Variants in PLSCR4 observed in about 807,000 individuals in gnomAD.
PLSCR4 encodes the protein phospholipid scramblase 4.
PLSCR4 carries 25 observed loss-of-function variants against 36.3 expected under a neutral mutation model. The ratio of observed to expected loss-of-function variants is 0.69; its 90% CI spans 0.50 to 0.96. PLSCR4 has a LOEUF of 0.96. Among genes scored for constraint, PLSCR4 ranks in the 40% least tolerant of loss-of-function variants. The pLI, the probability that PLSCR4 is intolerant of heterozygous loss-of-function variation, is 0.00. For synonymous variants in PLSCR4, 122 were observed against 132.9 expected (o/e 0.92, Z 0.56); for missense variants, 408 against 414.7 (o/e 0.98, Z 0.14).
At chr3:146,235,390 C>G (rs1250631385) in intron 1 of PLSCR4, among the ~76,000 whole-genome samples, 2 of 152,098 alleles carry the variant, frequency 1.3e-5, no homozygotes, top group East Asian at 3.9e-4. Context: ...GAAGTTCTGG[C>G]TCCCCATTTG....
At chr3:146,196,935 AC>A in intron 6 of PLSCR4, 142 bp from the exon 7 acceptor site, 1 of 706,298 alleles carries the variant, frequency 1.4e-6, no homozygotes, top group South Asian at 2.1e-5. Flanking sequence ...CTTCCATCTC[AC>A]CCAGGCCATT....
At chr3:146,231,073 T>C (rs1006309257) in intron 1 of PLSCR4, among the ~76,000 whole-genome samples, 4 of 152,122 alleles carry the variant, frequency 2.6e-5, no homozygotes, top group African/African-American at 7.2e-5. Context: ...ATTGTTTCCA[T>C]GTGTACTCAA....
chr3:146,250,823 C>T (rs2036517951), intron 1 of PLSCR4, 137 bp downstream of exon 1: 1 of 152,184 alleles, frequency 6.6e-6, no homozygotes, highest in South Asian at 2.1e-4. Context: ...ACTGCTAGCG[C>T]AGGACGCCGC....
intron 1 of PLSCR4, among the ~76,000 whole-genome samples, chr3:146,225,715 G>A (rs1330558410): frequency 3.3e-5 from 5 of 152,196 alleles, no homozygotes; most frequent in Non-Finnish European, 4.4e-5. Context: ...AGGGCTGGCC[G>A]ACTGCTCCGA....
intron 6 of PLSCR4, among the ~76,000 whole-genome samples, chr3:146,198,638 C>T (rs2033874682): frequency 6.6e-6 from 1 of 151,966 alleles, no homozygotes; most frequent in Admixed American, 6.6e-5. Flanking sequence ...AACTCCTGGC[C>T]TCAAGTGATC....
At chr3:146,216,922 A>C (rs961325363) in intron 3 of PLSCR4, among the ~76,000 whole-genome samples, 43 of 152,198 alleles carry the variant, frequency 2.8e-4, no homozygotes, top group African/African-American at 9.9e-4. Context: ...ATGAAGTCTA[A>C]GACATTTTGG....
chr3:146,233,475 T>A (rs2035799705), intron 1 of PLSCR4, among the ~76,000 whole-genome samples: 2 of 152,106 alleles, frequency 1.3e-5, no homozygotes, highest in African/African-American at 4.8e-5. Flanking sequence ...ATTTCTAATA[T>A]TTTTTAGAGA....
At chr3:146,229,760 A>G (rs9831666) in intron 1 of PLSCR4, among the ~76,000 whole-genome samples, 115,384 of 151,038 alleles carry the variant, frequency 0.76, 44,183 homozygotes, top group South Asian at 0.81. Flanking sequence ...AAGTAGCTGG[A>G]ACTACAGGCG....
At chr3:146,196,295 G>C (rs2033738491) in intron 7 of PLSCR4, 1 of 240,138 alleles carries the variant, frequency 4.2e-6, no homozygotes, top group African/African-American at 2.3e-5. Context: ...TATATTCCCA[G>C]CCTAGAAATC....
chr3:146,199,684 T>A (rs995393902), intron 6 of PLSCR4, 129 bp downstream of exon 6: 1 of 764,474 alleles, frequency 1.3e-6, no homozygotes, highest in African/African-American at 1.8e-5. Flanking sequence ...GTTTCCTCCC[T>A]CCCCACTATC....
chr3:146,248,053 T>C (rs1166250375), intron 1 of PLSCR4, among the ~76,000 whole-genome samples: 5 of 152,200 alleles, frequency 3.3e-5, no homozygotes, highest in Admixed American at 3.3e-4. Flanking sequence ...CTGGTGAACA[T>C]ATGAGTATGA....
chr3:146,196,501 GGTTA>G, intron 7 of PLSCR4, 127 bp downstream of exon 7: 1 of 832,086 alleles, frequency 1.2e-6, no homozygotes, highest in Non-Finnish European at 1.9e-6. Context: ...GATGTCAACT[GGTTA>G]ATTAACTCTT....
chr3:146,228,167 T>C (rs1404522088), intron 1 of PLSCR4, among the ~76,000 whole-genome samples: 2 of 152,198 alleles, frequency 1.3e-5, no homozygotes, highest in Non-Finnish European at 2.9e-5. Context: ...ATTACATTTG[T>C]ATAGCACTTA....
At chr3:146,214,789 CCA>C (rs2108271570) in intron 3 of PLSCR4, among the ~76,000 whole-genome samples, 1 of 152,064 alleles carries the variant, frequency 6.6e-6, no homozygotes, top group African/African-American at 2.4e-5. Context: ...TCTGTTGTGC[CCA>C]GTTTGGTTTA....
chr3:146,213,737 G>A (rs1242390603), intron 3 of PLSCR4, among the ~76,000 whole-genome samples: 1 of 152,044 alleles, frequency 6.6e-6, no homozygotes, highest in Non-Finnish European at 1.5e-5. Flanking sequence ...GTTTCTTCTT[G>A]AGTCAATTTC....
At chr3:146,228,014 G>A (rs756729165) in intron 1 of PLSCR4, among the ~76,000 whole-genome samples, 4 of 152,166 alleles carry the variant, frequency 2.6e-5, no homozygotes, top group Admixed American at 6.5e-5. Flanking sequence ...TATGGACAGT[G>A]GTCCAGAGTG....
intron 1 of PLSCR4, among the ~76,000 whole-genome samples, chr3:146,228,720 AAATATT>A (rs1009429712): frequency 2.6e-5 from 2 of 77,490 alleles, no homozygotes; most frequent in African/African-American, 7.4e-5. Flanking sequence ...ATCAACATAT[AAATATT>A]GAGTTTTCAT....
intron 5 of PLSCR4, among the ~76,000 whole-genome samples, chr3:146,200,452 A>C (rs2033983686): frequency 6.6e-6 from 1 of 152,114 alleles, no homozygotes; most frequent in Admixed American, 6.6e-5. Flanking sequence ...GAACAAACCA[A>C]GAAAAGTCAA....
At chr3:146,201,502 GTC>G (rs944413710) in intron 4 of PLSCR4, among the ~76,000 whole-genome samples, 1 of 152,088 alleles carries the variant, frequency 6.6e-6, no homozygotes, top group Non-Finnish European at 1.5e-5. Context: ...GAAAAGGGAA[GTC>G]TCTCAGTGGC....
Sources: gnomAD v4.1 joint callset for allele counts (sites outside exome capture counted in the v4.1 genomes callset) on GRCh38, gnomAD v4.1.1 for gene constraint, MANE v1.5 for transcripts, NCBI Gene and HGNC (gene_info 2026-07-23, HGNC 2026-07-21) for gene names.